SEC31B: variants seen among roughly 807,000 people sequenced by gnomAD.
SEC31B encodes protein transport protein Sec31B.
SEC31B carries 113 observed loss-of-function variants against 135.0 expected under a neutral mutation model. The ratio of observed to expected loss-of-function variants is 0.84; its 90% CI spans 0.72 to 0.98. SEC31B has a LOEUF of 0.98. SEC31B is among the 50% of genes least tolerant of loss of function. The pLI is 0.00. For synonymous variants in SEC31B, 508 were observed against 549.4 expected (o/e 0.92, Z 1.05); for missense variants, 1,296 against 1,421.1 (o/e 0.91, Z 1.42).
At chr10:100,515,534 A>T (rs1250335206) in intron 3 of SEC31B, among the ~76,000 whole-genome samples, 1 of 152,158 alleles carries the variant, frequency 6.6e-6, no homozygotes, top group African/African-American at 2.4e-5. Flanking sequence ...GTTCCCTCCT[A>T]TGTAAAATGG....
chr10:100,514,683 C>T (rs1851795228), intron 3 of SEC31B, among the ~76,000 whole-genome samples: 2 of 152,076 alleles, frequency 1.3e-5, no homozygotes. Context: ...GTACTTCCAC[C>T]TCAATATTTT....
intron 15 of SEC31B, 73 bp downstream of exon 15, chr10:100,497,956 C>G (rs1056390937): frequency 6.3e-7 from 1 of 1,587,730 alleles, no homozygotes; most frequent in Non-Finnish European, 8.6e-7. Flanking sequence ...AACATGGGTC[C>G]CAAGGTGTGG....
chr10:100,493,289 C>T (rs979253518), intron 19 of SEC31B, among the ~76,000 whole-genome samples: 2 of 151,706 alleles, frequency 1.3e-5, no homozygotes, highest in Admixed American at 1.3e-4. Context: ...AGGAGAATGG[C>T]GTGAACCTGG....
chr10:100,490,270 C>A lies in SEC31B; in HGVS notation c.2703G>T (p.Pro901=). The change falls in exon 21 of 26, where the codon CCG becomes CCT. Residue 901 remains proline (P), a synonymous_variant. Transcript: ENST00000370345. ...LGGQRVQVPN[P]VGFPGTWPLP... ...GAGGCCATGTCCCAGGGAATCCCAC[C>A]GGGTTAGGAACTTGCACCCTTTGCC... is the stretch of plus-strand genomic sequence containing the variant. 1 of 1,613,910 alleles carries A rather than the reference C, an allele frequency of 6.2e-7. No individual in the cohort carries two copies. The highest frequency in any genetic ancestry group is 8.5e-7 in the Non-Finnish European group (1 of 1,179,908).
At chr10:100,496,179 T>C in intron 18 of SEC31B, 79 bp downstream of exon 18, 1 of 1,476,424 alleles carries the variant, frequency 6.8e-7, no homozygotes, top group East Asian at 2.3e-5. Flanking sequence ...ATTAGCATAG[T>C]GCCTGGAATA....
intron 2 of SEC31B, among the ~76,000 whole-genome samples, chr10:100,516,648 C>CAAAAAAAAAAAAAA (rs59172062): frequency 2.1e-5 from 1 of 47,506 alleles, no homozygotes; most frequent in Non-Finnish European, 4.0e-5. Context: ...GACTCTGTCT[C>CAAAAAAAAAAAAAA]AAAAAAAAAA....
At position 100,487,439 on chromosome 10, in the gene SEC31B, A is replaced by T. The variant is rs984961151; in HGVS notation, c.*177T>A. On this transcript the variant is annotated 3_prime_UTR_variant, in exon 26 of 26. Transcript: ENST00000370345. The stretch of plus-strand genomic sequence containing the variant: ...GGACAGATCCTAGAAGGCCAGACAT[A>T]AAGGAGTAAAAAGCAGGCACTCAGC... 39 of 624,714 alleles carry T rather than the reference A, an allele frequency of 6.2e-5. No individual in the cohort carries two copies. In the South Asian group the frequency reaches 7.5e-4, roughly 12 times the overall value. The allele number at this position is 624,714 out of a possible 1,614,324, so 38.7% of individuals were successfully genotyped here.
Position 100,508,002 on chromosome 10 carries a change from T to C in SEC31B, c.545A>G (p.His182Arg), listed in dbSNP as rs546894141. Residue 182 changes from histidine (H) to arginine (R), a missense_variant, in exon 6 of 26, where the codon CAC (histidine) becomes CGC (arginine). Transcript: ENST00000370345. ...KALSWNRQAQ[H>R]ILSSAHPSGK... Reference sequence around the variant, plus strand: ...ACTGGGGTGAGCAGAAGACAGAATGTGTTGGGCTTGCCGGTTCCAAGACAG... The same window carrying C: ...ACTGGGGTGAGCAGAAGACAGAATGCGTTGGGCTTGCCGGTTCCAAGACAG... The C allele has an allele frequency of 1.2e-6, 2 of 1,614,194 alleles. No homozygotes were observed. Among genetic ancestry groups the C allele is most frequent in the East Asian group, 2.2e-5 (1 of 44,888 alleles).
At chr10:100,496,529 G>A (rs1851413086) in intron 17 of SEC31B, 98 bp from the exon 18 acceptor site, 1 of 1,298,882 alleles carries the variant, frequency 7.7e-7, no homozygotes, top group Non-Finnish European at 1.1e-6. Flanking sequence ...TATGGGTACA[G>A]ATGAGGGCAC....
At position 100,516,863 on chromosome 10, in the gene SEC31B, T is replaced by C. The variant is rs1564655307; in HGVS notation, c.79+11A>G. ...ACTCCCAGTGGATCCTAATTCACAG[T>C]GTCACCATACCTGTGGCCAGATACA... On this transcript the variant is annotated intron_variant, in intron 2 of 25. Coordinates refer to ENST00000370345, the MANE Select transcript of SEC31B (RefSeq NM_015490.4). 2.5e-6 allele frequency: 4 copies of C among 1,606,506 alleles called. No homozygotes were observed. The highest frequency in any genetic ancestry group is 2.2e-5 in the East Asian group (1 of 44,816).
rs559822025 is a variant in SEC31B at position 100,498,592 on chromosome 10, C to T, written c.1684+113G>A. The stretch of plus-strand genomic sequence containing the variant: ...TAAGCGACTCACTCAGCATTTGAGA[C>T]GGTGGGAGGAAGGCACGAGGCAGGG... On this transcript the variant is annotated intron_variant, in intron 14 of 25. Coordinates refer to ENST00000370345, the MANE Select transcript of SEC31B (RefSeq NM_015490.4). The T allele has an allele frequency of 8.9e-5, 65 of 727,974 alleles. No individual in the cohort carries two copies. The Middle Eastern group carries it at 1.2e-3, about 13-fold the overall frequency. The allele number at this position is 727,974 out of a possible 1,614,324, so 45.1% of individuals were successfully genotyped here. A position where few individuals can be genotyped will look rare whatever the true frequency, so the allele number is the denominator to read the frequency against.
chr10:100,510,040 A>G (rs1488699884), intron 3 of SEC31B, among the ~76,000 whole-genome samples: 1 of 152,224 alleles, frequency 6.6e-6, no homozygotes, highest in African/African-American at 2.4e-5. Context: ...TAAAATTTCT[A>G]TACACAGAGG....
intron 5 of SEC31B, chr10:100,508,467 A>G (rs1298907753): frequency 2.1e-6 from 1 of 468,040 alleles, no homozygotes; most frequent in Non-Finnish European, 4.3e-6. Context: ...TTACCTCATG[A>G]TACTGTAAGC....
chr10:100,518,371 G>GCTT (rs57175458), intron 1 of SEC31B, among the ~76,000 whole-genome samples: 32,120 of 151,970 alleles, frequency 0.21, 3,501 homozygotes, highest in South Asian at 0.23. Flanking sequence ...TCTGGGCTCA[G>GCTT]CTTACTTCCC....
rs200162378 is a variant in SEC31B at position 100,490,781 on chromosome 10, G to C, written c.2575C>G (p.Gln859Glu). ...GGTGCCCTGTAGTCACTTATATTCT[G>C]TGTCCTGGGACCCTGATAAGGGCTA... ...HPSPYQGPRTQNISDYRAPGP... is the reference protein window; with the variant it reads ...HPSPYQGPRTENISDYRAPGP... Residue 859 changes from glutamine (Q) to glutamate (E), a missense_variant, in exon 20 of 26, where the codon CAG becomes GAG. Physicochemically the swap from Gln to Glu is conservative, Grantham distance 29. Coordinates refer to ENST00000370345, the MANE Select transcript of SEC31B (RefSeq NM_015490.4). 6.2e-7 allele frequency: 1 copy of C among 1,610,730 alleles called. No individual in the cohort carries two copies. Among genetic ancestry groups the C allele is most frequent in the Non-Finnish European group, 8.5e-7 (1 of 1,178,072 alleles).
In SEC31B at chr10:100,502,249, C is replaced by T. The variant is rs1186942834; in HGVS notation, c.1410+5G>A. 6.2e-7 allele frequency: 1 copy of T among 1,611,952 alleles called. No homozygotes were observed. Among genetic ancestry groups the T allele is most frequent in the South Asian group, 1.1e-5 (1 of 90,904 alleles). On this transcript the variant is annotated splice_donor_5th_base_variant and intron_variant, in intron 11 of 25. Coordinates refer to ENST00000370345, the MANE Select transcript of SEC31B (RefSeq NM_015490.4). ...TTCTGAGCAGCTAGCCTTCAGGCTT[C>T]CCACCTTCAGGAACTGCCACAGCAT...
intron 24 of SEC31B, among the ~76,000 whole-genome samples, chr10:100,488,437 C>T (rs1318899968): frequency 7.5e-4 from 98 of 129,936 alleles, no homozygotes; most frequent in African/African-American, 8.2e-4. Context: ...CCAGCCTGGG[C>T]GACAAAGCGA....
Position 100,504,754 on chromosome 10 carries a change from T to C in SEC31B, c.1179+607A>G, listed in dbSNP as rs185398580. Among the ~76,000 whole-genome samples, 265 of 151,970 alleles carry C rather than the reference T, an allele frequency of 1.7e-3. 5 individuals carry two copies. The highest frequency in any genetic ancestry group is 2.7e-3 in the Non-Finnish European group (183 of 67,974). ...GACAGGCATCAAGGAGGAGATAGTA[T>C]TTAAGAGAGGGGCCTTGAAAGGCTG... On this transcript the variant is annotated intron_variant, in intron 10 of 25. Transcript: ENST00000370345.
intron 18 of SEC31B, among the ~76,000 whole-genome samples, chr10:100,495,808 C>T (rs1851397043): frequency 6.6e-6 from 1 of 152,144 alleles, no homozygotes; most frequent in Non-Finnish European, 1.5e-5. Context: ...AAACTAAGCA[C>T]CCACGACTGT....
Sources: allele counts gnomAD v4.1 joint callset (sites outside exome capture counted in the v4.1 genomes callset), GRCh38; gene constraint gnomAD v4.1.1; transcripts MANE v1.5; gene names NCBI Gene and HGNC (gene_info 2026-07-23, HGNC 2026-07-21).